PKD2: variants seen among roughly 807,000 people sequenced by gnomAD.
The protein encoded by PKD2 is polycystin-2.
In PKD2, 48 loss-of-function variants were observed where a neutral mutation model predicts 105.9. The observed-to-expected ratio is 0.45, with a 90% CI of 0.36 to 0.58. PKD2 has a LOEUF of 0.58. PKD2 is among the 20% of genes least tolerant of loss of function. The pLI, the probability that PKD2 is intolerant of heterozygous loss-of-function variation, is 0.00. For synonymous variants in PKD2, 464 were observed against 481.1 expected, an observed-to-expected ratio of 0.96 and a Z score of 0.46; for missense variants, 1,078 against 1,255.3, an observed-to-expected ratio of 0.86 and a Z score of 2.13.
chr4:88,043,159 C>A, intron 4 of PKD2, 74 bp from the exon 5 acceptor site: 2 of 928,910 alleles, frequency 2.2e-6, no homozygotes, highest in South Asian at 1.3e-5. Context: ...TTACAAGGAA[C>A]CAGCTGTCCT....
At chr4:88,046,540 T>C (rs2076869106) in intron 5 of PKD2, 102 bp from the exon 6 acceptor site, 3 of 779,930 alleles carry the variant, frequency 3.8e-6, no homozygotes, top group African/African-American at 3.4e-5. Context: ...GGTAGCAGTT[T>C]CATTACCTTG....
intron 1 of PKD2, among the ~76,000 whole-genome samples, chr4:88,016,298 T>A (rs952036431): frequency 6.6e-6 from 1 of 152,154 alleles, no homozygotes; most frequent in Non-Finnish European, 1.5e-5. Context: ...GGAAATTGGG[T>A]CTATACTCTC....
chr4:88,050,003 C>G (rs1164546744), intron 6 of PKD2, among the ~76,000 whole-genome samples: 6 of 117,926 alleles, frequency 5.1e-5, no homozygotes, highest in African/African-American at 2.1e-4. Flanking sequence ...GAGATGGAGT[C>G]TTGCTCTGTC....
chr4:88,031,855 A>C (rs1332251138), intron 2 of PKD2, among the ~76,000 whole-genome samples: 1 of 152,228 alleles, frequency 6.6e-6, no homozygotes, highest in East Asian at 1.9e-4. Flanking sequence ...CAGTTGAATC[A>C]TCATGTATAG....
chr4:88,071,000 G>C (rs189100826), intron 13 of PKD2, among the ~76,000 whole-genome samples: 2 of 151,332 alleles, frequency 1.3e-5, no homozygotes, highest in Non-Finnish European at 2.9e-5. Context: ...AGCAATCTCT[G>C]TCTCTTTATT....
At chr4:88,031,731 A>C (rs2728110) in intron 2 of PKD2, among the ~76,000 whole-genome samples, 10 of 151,948 alleles carry the variant, frequency 6.6e-5, no homozygotes, top group Non-Finnish European at 1.5e-4. Context: ...AGATTGAAAG[A>C]TACAGGGTTT....
At chr4:88,023,448 T>C (rs1459713962) in intron 2 of PKD2, among the ~76,000 whole-genome samples, 1 of 152,224 alleles carries the variant, frequency 6.6e-6, no homozygotes, top group African/African-American at 2.4e-5. Context: ...AGGCCCCGCC[T>C]TCAGCATTGG....
chr4:88,015,488 C>G (rs542030287), intron 1 of PKD2, among the ~76,000 whole-genome samples: 86 of 151,832 alleles, frequency 5.7e-4, no homozygotes, highest in South Asian at 1.3e-3. Flanking sequence ...TCTCGGCTCA[C>G]TGTAGCCTCC....
chr4:88,069,092 GAT>G (rs1720899645), intron 13 of PKD2, among the ~76,000 whole-genome samples: 1 of 151,948 alleles, frequency 6.6e-6, no homozygotes, highest in South Asian at 2.1e-4. Flanking sequence ...TTTTTTGTTT[GAT>G]ATTACTGTAA....
chr4:88,027,813 T>C (rs1199301024), intron 2 of PKD2, among the ~76,000 whole-genome samples: 1 of 72,676 alleles, frequency 1.4e-5, no homozygotes, highest in South Asian at 6.4e-4. Context: ...GAGATCTGGT[T>C]TTTTGGTAAG....
chr4:88,057,539 G>A (rs368960421), intron 8 of PKD2, among the ~76,000 whole-genome samples: 2 of 150,660 alleles, frequency 1.3e-5, no homozygotes, highest in African/African-American at 2.4e-5. Context: ...GGGTTCAAGC[G>A]ATTCTCCTGC....
chr4:88,076,598 CT>C lies in PKD2; in HGVS notation c.*905del, dbSNP rs1363838833. On this transcript the variant is annotated 3_prime_UTR_variant, in exon 15 of 15. Coordinates refer to ENST00000237596, the MANE Select transcript of PKD2 (RefSeq NM_000297.4). ...CAACTTACTAAATTTTTAGTATGCA[CT>C]GAAAGTTTTTATCCAACAATTATGT... 1.3e-5 allele frequency: 2 copies of C among 152,148 alleles called. No homozygotes were observed. The highest frequency in any genetic ancestry group is 2.1e-4 in the South Asian group (1 of 4,820). 9.4% of individuals were successfully genotyped at this position (152,148 alleles called of 1,614,324 possible). A position where few individuals can be genotyped will look rare whatever the true frequency, so the allele number is the denominator to read the frequency against.
chr4:88,008,270 C>T lies in PKD2; in HGVS notation c.537C>T (p.Pro179=), dbSNP rs1186707441. Residue 179 remains proline, a synonymous_variant, in exon 1 of 15, where the codon CCC becomes CCT. Coordinates refer to ENST00000237596, the MANE Select transcript of PKD2 (RefSeq NM_000297.4). The stretch of plus-strand genomic sequence containing the variant: ...GGGACCCGCTGCATCGCCACCTCCC[C>T]CTGGAAGGGCAGCCGCCCCGAGTGG... ...GGGDPLHRHL[P]LEGQPPRVAW... is the part of the protein sequence containing the mutation. 6 of 1,474,686 alleles carry T rather than the reference C, an allele frequency of 4.1e-6. No individual in the cohort carries two copies. In the Admixed American group the frequency reaches 1.1e-4, roughly 28 times the overall value. The allele number at this position is 1,474,686 out of a possible 1,614,324, so 91.4% of individuals were successfully genotyped here.
At chr4:88,013,162 C>CTTTGTA (rs1726443741) in intron 1 of PKD2, among the ~76,000 whole-genome samples, 2 of 152,130 alleles carry the variant, frequency 1.3e-5, no homozygotes, top group East Asian at 3.9e-4. Flanking sequence ...AACAAGCAGA[C>CTTTGTA]TTTGTATTTT....
In PKD2 at chr4:88,076,604, G is replaced by A. The variant is rs1051581843; in HGVS notation, c.*910G>A. 2.6e-5 allele frequency: 4 copies of A among 152,144 alleles called. No homozygotes were observed. The highest frequency in any genetic ancestry group is 6.5e-5 in the Admixed American group (1 of 15,276). 9.4% of individuals were successfully genotyped at this position (152,144 alleles called of 1,614,324 possible). ...ACTAAATTTTTAGTATGCACTGAAA[G>A]TTTTTATCCAACAATTATGTTCATT... On this transcript the variant is annotated 3_prime_UTR_variant, in exon 15 of 15. Transcript: ENST00000237596.
At position 88,059,629 on chromosome 4, in the gene PKD2, A is replaced by G. The variant is rs967557779; in HGVS notation, c.2019+1526A>G. Among the ~76,000 whole-genome samples the G allele has an allele frequency of 5.3e-5, 8 of 152,174 alleles. No homozygotes were observed. The South Asian group carries it at 1.2e-3, about 24-fold the overall frequency. The stretch of plus-strand genomic sequence containing the variant: ...TTACCAGATCAGTCACCAGAACATG[A>G]AAAGAAGCTCTTAGTTTCTATCTTT... On this transcript the variant is annotated intron_variant, in intron 9 of 14. Transcript: ENST00000237596.
Position 88,052,131 on chromosome 4 carries a change from T to G in PKD2, c.1689T>G (p.Ala563=). The change falls in exon 7 of 15, where the codon GCT becomes GCG. Residue 563 remains alanine, a synonymous_variant. Coordinates refer to ENST00000237596, the MANE Select transcript of PKD2 (RefSeq NM_000297.4). ...AGATACAGTTCAACAATATAGCTGC[T>G]GTCACAGTATTTTTTGTCTGGATTA... ...YWQIQFNNIA[A]VTVFFVWIKL... is the part of the protein sequence containing the mutation. 6.2e-7 allele frequency: 1 copy of G among 1,603,276 alleles called. No individual in the cohort carries two copies. Among genetic ancestry groups the G allele is most frequent in the Non-Finnish European group, 8.5e-7 (1 of 1,170,612 alleles).
At chr4:88,048,966 T>G (rs1238957179) in intron 6 of PKD2, among the ~76,000 whole-genome samples, 1 of 152,256 alleles carries the variant, frequency 6.6e-6, no homozygotes, top group Non-Finnish European at 1.5e-5. Context: ...ATGCAAACCC[T>G]GCCTCTTGGC....
At chr4:88,057,543 C>T (rs1298572563) in intron 8 of PKD2, among the ~76,000 whole-genome samples, 1 of 150,188 alleles carries the variant, frequency 6.7e-6, no homozygotes, top group Admixed American at 6.7e-5. Flanking sequence ...TCAAGCGATT[C>T]TCCTGCCTCA....
Sources: gnomAD v4.1 joint callset for allele counts (sites outside exome capture counted in the v4.1 genomes callset) on GRCh38, gnomAD v4.1.1 for gene constraint, MANE v1.5 for transcripts, NCBI Gene and HGNC (gene_info 2026-07-23, HGNC 2026-07-21) for gene names.